The following TSHR variants were observed in gnomAD, a reference collection of about 807,000 sequenced individuals.
TSHR encodes thyroid stimulating hormone receptor.
In TSHR, 51 loss-of-function variants were observed where a neutral mutation model predicts 64.1. The observed-to-expected ratio is 0.80, with a 90% CI of 0.64 to 1.01. The LOEUF is 1.01. Ranked by LOEUF, TSHR falls within the 50% of genes least tolerant of loss-of-function variation. The pLI is 0.00. For synonymous variants in TSHR, 361 were observed against 361.9 expected (o/e 1.00, Z 0.03); for missense variants, 877 against 942.8 (o/e 0.93, Z 0.91).
intron 3 of TSHR, among the ~76,000 whole-genome samples, chr14:81,070,034 G>A (rs1429663534): frequency 6.6e-6 from 1 of 152,084 alleles, no homozygotes; most frequent in African/African-American, 2.4e-5. Flanking sequence ...ATAGCTCAAA[G>A]GAGAATTAGT....
intron 3 of TSHR, among the ~76,000 whole-genome samples, chr14:81,074,480 G>C (rs1887345132): frequency 6.6e-6 from 1 of 152,170 alleles, no homozygotes; most frequent in African/African-American, 2.4e-5. Flanking sequence ...GAATGGTTTT[G>C]TGGGTATAAG....
intron 8 of TSHR, among the ~76,000 whole-genome samples, chr14:81,124,836 C>A (rs1032926676): frequency 1.3e-5 from 2 of 152,020 alleles, no homozygotes; most frequent in Non-Finnish European, 1.5e-5. Flanking sequence ...TTCTTTTACC[C>A]AGTTTCTGTT....
Position 81,143,935 on chromosome 14 carries a change from TG to T in TSHR, c.1879del (p.Ala627LeufsTer3). 6.2e-7 allele frequency: 1 copy of T among 1,614,238 alleles called. No individual in the cohort carries two copies. The highest frequency in any genetic ancestry group is 1.1e-5 in the South Asian group (1 of 91,084). ...GDKDTKIAKR[M>X]AVLIFTDFIC... Reference sequence around the variant, plus strand: ...AAAGATACCAAAATTGCCAAGAGGATGGCTGTGTTGATCTTCACCGACTTCA... The same window carrying T: ...AAAGATACCAAAATTGCCAAGAGGATGCTGTGTTGATCTTCACCGACTTCA... On this transcript the variant is annotated frameshift_variant, in exon 10 of 10. Transcript: ENST00000298171. LOFTEE classifies it high-confidence loss of function.
intron 3 of TSHR, among the ~76,000 whole-genome samples, chr14:81,072,220 A>G (rs1309459241): frequency 6.6e-6 from 1 of 152,208 alleles, no homozygotes; most frequent in Non-Finnish European, 1.5e-5. Flanking sequence ...GAGGACAGTT[A>G]TTATTTACAT....
At chr14:81,092,386 C>A in intron 5 of TSHR, 145 bp from the exon 6 acceptor site, 3 of 778,422 alleles carry the variant, frequency 3.9e-6, no homozygotes, top group East Asian at 2.8e-5. Context: ...GAGCCACTAG[C>A]GGTTAAGAAG....
intron 1 of TSHR, among the ~76,000 whole-genome samples, chr14:81,006,736 A>G (rs118186899): frequency 0.12 from 18,359 of 151,926 alleles, 1,412 homozygotes; most frequent in East Asian, 0.38. Context: ...GATGGTCTGC[A>G]TCTCCTGACC....
chr14:81,139,335 C>T (rs1049907997), intron 8 of TSHR, among the ~76,000 whole-genome samples: 1 of 152,184 alleles, frequency 6.6e-6, no homozygotes, highest in Non-Finnish European at 1.5e-5. Context: ...TTTCTCTTGC[C>T]TCTTGAGACC....
intron 1 of TSHR, among the ~76,000 whole-genome samples, chr14:80,971,412 C>T (rs576236514): frequency 1.3e-5 from 2 of 152,288 alleles, no homozygotes; most frequent in South Asian, 4.2e-4. Flanking sequence ...TAAAGGTTTA[C>T]TACTTTTGAT....
intron 3 of TSHR, among the ~76,000 whole-genome samples, chr14:81,080,096 G>C (rs1174992597): frequency 6.6e-6 from 1 of 152,002 alleles, no homozygotes; most frequent in African/African-American, 2.4e-5. Context: ...AGGACTACAG[G>C]CGTGTGCCAC....
rs1594972554 is a variant in TSHR, at chr14:81,029,435, C to T, written c.171-32713C>T. On this transcript the variant is annotated intron_variant, in intron 1 of 9. Transcript: ENST00000298171. ...GGGAGAAAGGGAGAAAAGTGGGAGA[C>T]ATGGAAGGGGAGCGAAAAGAGAGCT... Among the ~76,000 whole-genome samples the T allele has an allele frequency of 3.9e-5, 6 of 152,042 alleles. No homozygotes were observed. In the Middle Eastern group the frequency reaches 0.02, roughly 517 times the overall value.
chr14:81,106,709 C>A (rs1394911310), intron 7 of TSHR, among the ~76,000 whole-genome samples: 4 of 151,960 alleles, frequency 2.6e-5, no homozygotes, highest in Admixed American at 2.6e-4. Flanking sequence ...CTTTGGGAGG[C>A]CGAGTTGGGC....
intron 8 of TSHR, among the ~76,000 whole-genome samples, chr14:81,126,426 G>A (rs1315401313): frequency 6.6e-6 from 1 of 152,082 alleles, no homozygotes; most frequent in Non-Finnish European, 1.5e-5. Flanking sequence ...TTATATTAGG[G>A]GATTCAGTCT....
In TSHR at chr14:81,026,367, C is replaced by T. The variant is rs193143307; in HGVS notation, c.171-35781C>T. ...GTGTATGTGTGTGTGTATATGCACACGCATGCAAACATGCAAACATTACCC... is the reference window on the plus strand; with the variant it reads ...GTGTATGTGTGTGTGTATATGCACATGCATGCAAACATGCAAACATTACCC... On this transcript the variant is annotated intron_variant, in intron 1 of 9. Transcript: ENST00000298171. Among the ~76,000 whole-genome samples the T allele has an allele frequency of 2.3e-4, 35 of 152,250 alleles. 1 individual carries two copies. Among genetic ancestry groups the T allele is most frequent in the African/African-American group, 7.0e-4 (29 of 41,548 alleles).
chr14:81,135,432 A>G (rs1419997255), intron 8 of TSHR, among the ~76,000 whole-genome samples: 22 of 152,236 alleles, frequency 1.4e-4, no homozygotes, highest in Admixed American at 1.4e-3. Context: ...CTAAGTTCCT[A>G]AAATCAGAAT....
chr14:81,121,162 G>A (rs1457503792), intron 8 of TSHR, among the ~76,000 whole-genome samples: 3 of 150,740 alleles, frequency 2.0e-5, no homozygotes, highest in African/African-American at 4.9e-5. Flanking sequence ...AAGACCCACG[G>A]AGAACCCATA....
At chr14:81,021,936 T>C (rs1432663813) in intron 1 of TSHR, among the ~76,000 whole-genome samples, 1 of 152,156 alleles carries the variant, frequency 6.6e-6, no homozygotes, top group Non-Finnish European at 1.5e-5. Context: ...GCACATGGCA[T>C]CCAATGCATG....
chr14:81,108,166 C>G (rs1160924713), intron 7 of TSHR, among the ~76,000 whole-genome samples: 1 of 152,010 alleles, frequency 6.6e-6, no homozygotes, highest in African/African-American at 2.4e-5. Flanking sequence ...TTTTCAAAAA[C>G]TTCTGCCATA....
chr14:81,139,649 C>G, intron 8 of TSHR, 30 bp from the exon 9 acceptor site: 1 of 1,613,056 alleles, frequency 6.2e-7, no homozygotes, highest in Non-Finnish European at 8.5e-7. Flanking sequence ...CTCACTGCCT[C>G]TCTGCATTTT....
At chr14:81,113,717 A>G (rs1204683869) in intron 8 of TSHR, among the ~76,000 whole-genome samples, 1 of 152,228 alleles carries the variant, frequency 6.6e-6, no homozygotes, top group Non-Finnish European at 1.5e-5. Context: ...AGAGAGCTGC[A>G]CGCTAAGTAC....
Sources: gnomAD v4.1 joint callset for allele counts (sites outside exome capture counted in the v4.1 genomes callset) on GRCh38, gnomAD v4.1.1 for gene constraint, MANE v1.5 for transcripts, NCBI Gene and HGNC (gene_info 2026-07-23, HGNC 2026-07-21) for gene names.